Variants in CSNK2A2IP observed in about 807,000 individuals in gnomAD.
The protein encoded by CSNK2A2IP is casein kinase 2 subunit alpha' interacting protein, also known as casein kinase II subunit alpha'-interacting protein.
the CSNK2A2IP span, among the ~76,000 whole-genome samples, chr3:88,451,631 A>G: frequency 6.6e-6 from 1 of 150,932 alleles, no homozygotes; most frequent in Non-Finnish European, 1.5e-5. Flanking sequence ...TTGTTCCTGT[A>G]TTGTACCTTT....
chr3:88,400,179 G>T, the CSNK2A2IP span, among the ~76,000 whole-genome samples: 1 of 152,100 alleles, frequency 6.6e-6, no homozygotes, highest in Non-Finnish European at 1.5e-5. Context: ...TCAGAGAAAT[G>T]TTAGTTTCTG....
At chr3:88,458,736 A>G in the CSNK2A2IP span, among the ~76,000 whole-genome samples, 1 of 152,170 alleles carries the variant, frequency 6.6e-6, no homozygotes, top group Admixed American at 6.6e-5. Flanking sequence ...AGCTTCAGGA[A>G]CATCCCACAC....
the CSNK2A2IP span, chr3:88,467,344 C>T: frequency 5.0e-6 from 2 of 398,082 alleles, no homozygotes; most frequent in Non-Finnish European, 8.9e-6. Context: ...GACCCTCACT[C>T]TCTCACGTCC....
the CSNK2A2IP span, among the ~76,000 whole-genome samples, chr3:88,341,666 A>G: frequency 2.0e-5 from 3 of 151,998 alleles, no homozygotes; most frequent in Admixed American, 2.0e-4. Context: ...ATCCAGAATT[A>G]TGATCCAGAT....
At chr3:88,440,759 T>C in the CSNK2A2IP span, among the ~76,000 whole-genome samples, 2 of 152,164 alleles carry the variant, frequency 1.3e-5, no homozygotes, top group African/African-American at 4.8e-5. Context: ...TATACTCCAG[T>C]GTCTAGAAGT....
the CSNK2A2IP span, among the ~76,000 whole-genome samples, chr3:88,432,959 A>G: frequency 1.3e-5 from 2 of 151,856 alleles, no homozygotes; most frequent in African/African-American, 4.8e-5. Context: ...GATTAGTGCT[A>G]ATACCTGGAA....
At chr3:88,351,507 A>G in the CSNK2A2IP span, among the ~76,000 whole-genome samples, 4 of 152,236 alleles carry the variant, frequency 2.6e-5, no homozygotes, top group East Asian at 7.7e-4. Context: ...CCATCCCACT[A>G]TCTAGTGATA....
the CSNK2A2IP span, chr3:88,465,624 T>A: frequency 6.2e-4 from 767 of 1,231,662 alleles, 3 homozygotes; most frequent in African/African-American, 0.011. Context: ...GGTTTCTGAA[T>A]TCACCATTGT....
At chr3:88,365,164 T>C in the CSNK2A2IP span, among the ~76,000 whole-genome samples, 23 of 152,206 alleles carry the variant, frequency 1.5e-4, no homozygotes, top group African/African-American at 5.3e-4. Context: ...TAGATCAAAA[T>C]ATACAAGACA....
chr3:88,363,482 A>T, the CSNK2A2IP span, among the ~76,000 whole-genome samples: 2 of 152,152 alleles, frequency 1.3e-5, no homozygotes, highest in Non-Finnish European at 2.9e-5. Context: ...TGCTACTTCT[A>T]ATAATTAATT....
the CSNK2A2IP span, among the ~76,000 whole-genome samples, chr3:88,400,309 T>C: frequency 6.6e-6 from 1 of 152,098 alleles, no homozygotes; most frequent in African/African-American, 2.4e-5. Context: ...TTGAGCTGAA[T>C]GATCCTTTTT....
chr3:88,348,056 A>C, the CSNK2A2IP span, among the ~76,000 whole-genome samples: 5 of 152,114 alleles, frequency 3.3e-5, no homozygotes, highest in South Asian at 1.0e-3. Flanking sequence ...ATCTAATTAC[A>C]GGTTTTATAT....
the CSNK2A2IP span, among the ~76,000 whole-genome samples, chr3:88,356,715 A>C: frequency 6.6e-6 from 1 of 152,130 alleles, no homozygotes; most frequent in Admixed American, 6.6e-5. Context: ...TCACATCAAC[A>C]GTGTAGGAGT....
At chr3:88,351,613 T>TA in the CSNK2A2IP span, among the ~76,000 whole-genome samples, 2 of 152,056 alleles carry the variant, frequency 1.3e-5, no homozygotes, top group African/African-American at 4.8e-5. Flanking sequence ...TACTGTCTAA[T>TA]AAAAAATTTC....
At chr3:88,373,071 C>T in the CSNK2A2IP span, among the ~76,000 whole-genome samples, 1 of 151,298 alleles carries the variant, frequency 6.6e-6, no homozygotes, top group Non-Finnish European at 1.5e-5. Flanking sequence ...ATTGATAGAA[C>T]AAGTTTACAG....
At chr3:88,408,851 T>C in the CSNK2A2IP span, among the ~76,000 whole-genome samples, 1 of 151,626 alleles carries the variant, frequency 6.6e-6, no homozygotes, top group Non-Finnish European at 1.5e-5. Flanking sequence ...TTTTTTTTGG[T>C]GATTTCATGA....
At chr3:88,372,908 A>G in the CSNK2A2IP span, among the ~76,000 whole-genome samples, 1 of 151,478 alleles carries the variant, frequency 6.6e-6, no homozygotes, top group Non-Finnish European at 1.5e-5. Flanking sequence ...TTTCCTAATA[A>G]AAGTTTTGAT....
At chr3:88,441,057 T>G in the CSNK2A2IP span, among the ~76,000 whole-genome samples, 2 of 152,206 alleles carry the variant, frequency 1.3e-5, no homozygotes, top group African/African-American at 4.8e-5. Context: ...TAGAATTTAA[T>G]AAGTGGCTAA....
At chr3:88,374,625 C>T in the CSNK2A2IP span, among the ~76,000 whole-genome samples, 1 of 151,716 alleles carries the variant, frequency 6.6e-6, no homozygotes, top group East Asian at 1.9e-4. Flanking sequence ...ACTTTTATTG[C>T]AATTGAAATT....
Sources: gnomAD v4.1 joint callset for allele counts (sites outside exome capture counted in the v4.1 genomes callset) on GRCh38, gnomAD v4.1.1 for gene constraint, MANE v1.5 for transcripts, NCBI Gene and HGNC (gene_info 2026-07-23, HGNC 2026-07-21) for gene names.